MIER2: variants seen among roughly 807,000 people sequenced by gnomAD.
The protein encoded by MIER2 is mesoderm induction early response protein 2.
In MIER2, 30 loss-of-function variants were observed where a neutral mutation model predicts 67.6. The observed-to-expected ratio is 0.44, with a 90% confidence interval of 0.33 to 0.60. MIER2 has a LOEUF of 0.60. MIER2 is among the 20% of genes least tolerant of loss of function. The pLI is 0.02. For missense variants in MIER2, 702 were observed against 745.1 expected (o/e 0.94, Z 0.67); for synonymous variants, 372 against 312.6 (o/e 1.19, Z -2.00).
At chr19:322,105 G>T (rs147511915) in intron 7 of MIER2, among the ~76,000 whole-genome samples, 1 of 151,816 alleles carries the variant, frequency 6.6e-6, no homozygotes, top group South Asian at 2.1e-4. Context: ...GGGTTTCACC[G>T]TGTTAGCCAG....
intron 4 of MIER2, 97 bp downstream of exon 4, chr19:327,767 G>A: frequency 1.3e-6 from 2 of 1,531,918 alleles, no homozygotes; most frequent in South Asian, 1.3e-5. Flanking sequence ...GGGGGCCTTT[G>A]TGCCTCCTCT....
At position 334,493 on chromosome 19, in the gene MIER2, C is replaced by G; in HGVS notation, c.150G>C (p.Leu50=). 6.2e-7 allele frequency: 1 copy of G among 1,614,158 alleles called. No individual in the cohort carries two copies. Among genetic ancestry groups the G allele is most frequent in the East Asian group, 2.2e-5 (1 of 44,876 alleles). ...GDHQFNLAEI[L]SQNYSVRGEC... ...CCCCCCTAACACTGTAGTTCTGTGA[C>G]AGGATCTCTGCGAGGTTGAACTGAT... Residue 50 remains leucine (L), a synonymous_variant, in exon 3 of 14, where the codon CTG becomes CTC. Transcript: ENST00000264819.
intron 3 of MIER2, among the ~76,000 whole-genome samples, chr19:333,565 G>A (rs1430097751): frequency 1.8e-5 from 1 of 55,184 alleles, no homozygotes; most frequent in East Asian, 4.4e-4. Flanking sequence ...CCAGGCTGGA[G>A]TGCAATGGCG....
chr19:342,162 A>G (rs1972535054), intron 1 of MIER2, among the ~76,000 whole-genome samples: 1 of 152,062 alleles, frequency 6.6e-6, no homozygotes, highest in Non-Finnish European at 1.5e-5. Context: ...TGGACTACCC[A>G]GCACCCCACT....
At chr19:336,316 TG>T (rs370918013) in intron 1 of MIER2, 143 bp from the exon 2 acceptor site, 2 of 655,120 alleles carry the variant, frequency 3.1e-6, no homozygotes, top group Non-Finnish European at 2.6e-6. Flanking sequence ...CTCTGAGGGC[TG>T]GGGGGCACTA....
In MIER2 at chr19:325,699, G is replaced by A; in HGVS notation, c.591C>T (p.Ile197=). The change falls in exon 7 of 14, where the codon ATC becomes ATT. Residue 197 remains isoleucine, a synonymous_variant. Coordinates refer to ENST00000264819, the MANE Select transcript of MIER2 (RefSeq NM_017550.3). The stretch of plus-strand genomic sequence containing the variant: ...CAGCTTGGAACTGAGGTCCCACCAT[G>A]ATCTCCTGCAAAGCAAGCACCTGGG... ...SLPANKCKKE[I]MVGPQFQADL... The A allele has an allele frequency of 6.2e-7, 1 of 1,614,210 alleles. No individual in the cohort carries two copies. The highest frequency in any genetic ancestry group is 8.5e-7 in the Non-Finnish European group (1 of 1,180,034).
intron 13 of MIER2, 148 bp from the exon 14 acceptor site, chr19:306,859 G>T: frequency 7.6e-7 from 1 of 1,309,342 alleles, no homozygotes; most frequent in Non-Finnish European, 1.1e-6. Context: ...CCTGAGGGGA[G>T]CTGGTGGCTG....
Position 308,857 on chromosome 19 carries a change from G to C in MIER2, c.1053C>G (p.Asp351Glu). Reference protein sequence around the residue: ...YYLWKKSERYDYFAQQTRLGR... With the variant: ...YYLWKKSERYEYFAQQTRLGR... ...CCAGCCGCGTCTGCTGGGCGAAGTA[G>C]TCGTAGCGCTCCGACTTCTTCCACA... Residue 351 changes from aspartate to glutamate, a missense_variant, in exon 11 of 14, where the codon GAC becomes GAG. Around this residue, in one of 3 missense-constraint regions of MIER2, gnomAD observed 128 missense variants for 189.7 expected, o/e 0.67. Coordinates refer to ENST00000264819, the MANE Select transcript of MIER2 (RefSeq NM_017550.3). This position sits in a 1 kb window ranked among gnomAD's most constrained non-coding sequence, Gnocchi z 9.1. The C allele has an allele frequency of 1.9e-6, 3 of 1,611,768 alleles. No homozygotes were observed. The highest frequency in any genetic ancestry group is 1.1e-5 in the South Asian group (1 of 91,072).
intron 2 of MIER2, among the ~76,000 whole-genome samples, chr19:335,014 A>G (rs903050891): frequency 1.1e-4 from 17 of 152,264 alleles, no homozygotes; most frequent in African/African-American, 4.1e-4. Context: ...GCTCGACAAC[A>G]CCAGTCCCTT....
chr19:342,707 C>T (rs1972559862), intron 1 of MIER2, among the ~76,000 whole-genome samples: 1 of 151,316 alleles, frequency 6.6e-6, no homozygotes, highest in Non-Finnish European at 1.5e-5. Flanking sequence ...TAGTACTGAT[C>T]ACGTGCTATA....
At chr19:334,589 C>T (rs762400228) in intron 2 of MIER2, 47 bp from the exon 3 acceptor site, 31 of 1,595,222 alleles carry the variant, frequency 1.9e-5, no homozygotes, top group Non-Finnish European at 2.6e-5. Context: ...CTCGCCTGTC[C>T]CAACCATCCT....
chr19:328,666 T>C (rs139296555), intron 3 of MIER2, among the ~76,000 whole-genome samples: 1,890 of 152,188 alleles, frequency 0.012, 18 homozygotes, highest in Non-Finnish European at 0.021. Flanking sequence ...GAGAATCACT[T>C]GTACTCGGGA....
At position 326,535 on chromosome 19, in the gene MIER2, T is replaced by G. The variant is rs1056333538; in HGVS notation, c.557A>C (p.Asp186Ala). Residue 186 changes from aspartate to alanine, a missense_variant, in exon 6 of 14, where the codon GAC (aspartate) becomes GCC (alanine). This residue lies in a region of MIER2 where 320 missense variants were observed against 292.6 expected (regional missense o/e 1.09). Transcript: ENST00000264819. ...GSSASSDTEE[D>A]SLPANKCKKE... ...CTTACATTTGTTGGCAGGAAGAGAG[T>G]CCTCCTCGGTGTCGGAGGAGGCAGA... 2.2e-5 allele frequency: 35 copies of G among 1,613,436 alleles called. No homozygotes were observed. Among genetic ancestry groups the G allele is most frequent in the Non-Finnish European group, 2.7e-5 (32 of 1,179,790 alleles).
At chr19:307,877 CG>C (rs1203660705) in intron 12 of MIER2, among the ~76,000 whole-genome samples, 2 of 152,080 alleles carry the variant, frequency 1.3e-5, no homozygotes, top group East Asian at 1.9e-4. Flanking sequence ...TAAACAATGC[CG>C]GGGGCGCTGC....
Position 328,879 on chromosome 19 carries a change from G to C in MIER2, c.244-890C>G, listed in dbSNP as rs553690153. 2.6e-5 allele frequency among the ~76,000 whole-genome samples: 4 copies of C among 152,372 alleles called. No homozygotes were observed. The South Asian group carries it at 8.3e-4, about 32-fold the overall frequency. ...TCACGATCTGGAACAAGAGCACTGT[G>C]ATTAACGAACACTGTTTTGATGCTC... On this transcript the variant is annotated intron_variant, in intron 3 of 13. Transcript: ENST00000264819.
intron 1 of MIER2, among the ~76,000 whole-genome samples, chr19:336,380 C>T (rs1327884689): frequency 6.6e-6 from 1 of 152,266 alleles, no homozygotes; most frequent in Non-Finnish European, 1.5e-5. Context: ...CCAAGGACCG[C>T]TCACAGGGTG....
At chr19:340,667 A>T (rs1972464120) in intron 1 of MIER2, 1 of 152,060 alleles carries the variant, frequency 6.6e-6, no homozygotes, top group Admixed American at 6.6e-5. Context: ...TGCAGTTCAA[A>T]CCCGTGAGGT....
intron 10 of MIER2, among the ~76,000 whole-genome samples, chr19:310,038 A>G (rs1970878867): frequency 9.8e-6 from 1 of 101,542 alleles, no homozygotes; most frequent in Non-Finnish European, 1.9e-5. Context: ...ACGAGAAGGG[A>G]CACACACACA....
chr19:335,109 C>T (rs965600655), intron 2 of MIER2, among the ~76,000 whole-genome samples: 1 of 152,242 alleles, frequency 6.6e-6, no homozygotes, highest in African/African-American at 2.4e-5. Flanking sequence ...CCAGGGTTTC[C>T]CCGAAAGAAC....
Sources: allele counts gnomAD v4.1 joint callset (sites outside exome capture counted in the v4.1 genomes callset), GRCh38; gene constraint gnomAD v4.1.1; regional missense constraint gnomAD v4.1.1; non-coding constraint Gnocchi (gnomAD v3.1); transcripts MANE v1.5; gene names NCBI Gene and HGNC (gene_info 2026-07-23, HGNC 2026-07-21).